Variants in IZUMO4 observed in about 807,000 individuals in gnomAD.
IZUMO4 encodes IZUMO family member 4, also known as izumo sperm-egg fusion protein 4.
IZUMO4 carries 51 observed loss-of-function variants against 37.1 expected under a neutral mutation model. That is an observed-to-expected ratio of 1.38 (90% confidence interval 1.10 to 1.74). The LOEUF is 1.74. IZUMO4 is among the 40% of genes most tolerant of loss of function. The pLI is 0.00. For synonymous variants in IZUMO4, 162 were observed against 121.4 expected (o/e 1.33, Z -2.20); for missense variants, 364 against 299.6 (o/e 1.21, Z -1.59).
chr19:2,097,031 TCTC>T lies in IZUMO4; in HGVS notation c.89_91del (p.Ser30del), dbSNP rs2017717274. On this transcript the variant is annotated inframe_deletion, in exon 1 of 10. Coordinates refer to ENST00000395301, the MANE Select transcript of IZUMO4 (RefSeq NM_001039846.2). ...TGCCACAGCAACTTCTCCAAGAAGT[TCTC>T]CTTCTACCGCCACCATGTGAACTTC... 5.6e-6 allele frequency: 9 copies of T among 1,612,454 alleles called. No individual in the cohort carries two copies. The highest frequency in any genetic ancestry group is 3.3e-5 in the South Asian group (3 of 91,086).
chr19:2,098,192 C>G, intron 5 of IZUMO4, 65 bp downstream of exon 5: 1 of 1,611,266 alleles, frequency 6.2e-7, no homozygotes, highest in South Asian at 1.1e-5. Context: ...CCAGGCTCTC[C>G]TTGGAGGGGG....
rs188368154 is a variant in IZUMO4 at position 2,099,156 on chromosome 19, G to C, written c.609-99G>C. 3 of 1,384,206 alleles carry C rather than the reference G, an allele frequency of 2.2e-6. No homozygotes were observed. In the African/African-American group the frequency reaches 4.3e-5, roughly 20 times the overall value. The allele number at this position is 1,384,206 out of a possible 1,614,324, so 85.7% of individuals were successfully genotyped here. A position where few individuals can be genotyped will look rare whatever the true frequency, so the allele number is the denominator to read the frequency against. On this transcript the variant is annotated intron_variant, in intron 9 of 9. Transcript: ENST00000395301. ...GTGTCGTGGATGTGGCCACACATAG[G>C]ACCACACGTCCCAGCTGGGAGGAGA...
In IZUMO4 at chr19:2,097,970, G is replaced by T. The variant is rs776207764; in HGVS notation, c.397+15G>T. ...GCACCGCTGTGGTAAGCAAGGCTCCGTCCAGGCTGAGGGGCGTGCCGGTGG... is the reference window on the plus strand; with the variant it reads ...GCACCGCTGTGGTAAGCAAGGCTCCTTCCAGGCTGAGGGGCGTGCCGGTGG... On this transcript the variant is annotated intron_variant, in intron 4 of 9. Transcript: ENST00000395301. 4 of 1,613,246 alleles carry T rather than the reference G, an allele frequency of 2.5e-6. No individual in the cohort carries two copies. The highest frequency in any genetic ancestry group is 1.1e-5 in the South Asian group (1 of 91,080).
chr19:2,097,377 C>T, intron 2 of IZUMO4, 45 bp downstream of exon 2: 4 of 1,597,964 alleles, frequency 2.5e-6, no homozygotes, highest in Non-Finnish European at 3.4e-6. Flanking sequence ...CCCCGGGACA[C>T]CCCGCCCACC....
intron 6 of IZUMO4, 40 bp from the exon 7 acceptor site, chr19:2,098,396 G>A (rs1212632412): frequency 1.2e-5 from 19 of 1,613,976 alleles, no homozygotes; most frequent in Non-Finnish European, 1.4e-5. Context: ...ACTGGCCACG[G>A]CCACTCGGCC....
Position 2,097,137 on chromosome 19 carries a change from G to A in IZUMO4, c.192G>A (p.Leu64=), listed in dbSNP as rs752287971. The change falls in exon 1 of 10, where the codon CTG becomes CTA. Residue 64 remains leucine, a synonymous_variant. Coordinates refer to ENST00000395301, the MANE Select transcript of IZUMO4 (RefSeq NM_001039846.2). ...GGAGCGACGACACGATGAAGGAGCT[G>A]CACCTGGCCATCCCCGCCAAGATCA... ...TDWSDDTMKE[L]HLAIPAKITR... 58 of 1,611,498 alleles carry A rather than the reference G, an allele frequency of 3.6e-5. No individual in the cohort carries two copies. In the South Asian group the frequency reaches 6.2e-4, roughly 17 times the overall value.
chr19:2,097,149 C>A lies in IZUMO4; in HGVS notation c.204C>A (p.Ile68=). 1 of 1,610,888 alleles carries A rather than the reference C, an allele frequency of 6.2e-7. No homozygotes were observed. Among genetic ancestry groups the A allele is most frequent in the Non-Finnish European group, 8.5e-7 (1 of 1,178,676 alleles). The change falls in exon 1 of 10, where the codon ATC becomes ATA. Residue 68 remains isoleucine, a synonymous_variant. Coordinates refer to ENST00000395301, the MANE Select transcript of IZUMO4 (RefSeq NM_001039846.2). ...CGATGAAGGAGCTGCACCTGGCCAT[C>A]CCCGCCAAGATCAGTGAGTGCCGGA... The part of the protein sequence containing the change: ...DDTMKELHLA[I]PAKITREKLD...
chr19:2,096,915 G>C lies in IZUMO4; in HGVS notation c.-31G>C, dbSNP rs766540229. On this transcript the variant is annotated 5_prime_UTR_variant, in exon 1 of 10. Transcript: ENST00000395301. ...TGAAGGGTGTGGCGCGAGCAGCGTCGTTGGTTGGCCGGCGGCGGGCCGGGA... is the reference window on the plus strand; with the variant it reads ...TGAAGGGTGTGGCGCGAGCAGCGTCCTTGGTTGGCCGGCGGCGGGCCGGGA... The C allele has an allele frequency of 2.1e-5, 34 of 1,596,540 alleles. No homozygotes were observed. In the Admixed American group the frequency reaches 5.5e-4, roughly 26 times the overall value.
chr19:2,099,112 T>A lies in IZUMO4; in HGVS notation c.608+83T>A, dbSNP rs12984606. ...GCGTGCCGCGGCCTGCACACCCTGCTGACATCCCAGGCACGAGGGTGTCGT... is the reference window on the plus strand; with the variant it reads ...GCGTGCCGCGGCCTGCACACCCTGCAGACATCCCAGGCACGAGGGTGTCGT... On this transcript the variant is annotated intron_variant, in intron 9 of 9. Transcript: ENST00000395301. 136 of 1,423,618 alleles carry A rather than the reference T, an allele frequency of 9.6e-5. 1 individual carries two copies. Among genetic ancestry groups the A allele is most frequent in the African/African-American group, 3.5e-4 (25 of 70,958 alleles). The allele number at this position is 1,423,618 out of a possible 1,614,324, so 88.2% of individuals were successfully genotyped here.
At chr19:2,098,183 C>G in intron 5 of IZUMO4, 56 bp downstream of exon 5, 1 of 1,611,324 alleles carries the variant, frequency 6.2e-7, no homozygotes, top group South Asian at 1.1e-5. Context: ...CCTGGGGTCC[C>G]AGGCTCTCCT....
At chr19:2,097,808 A>G (rs1568262474) in intron 3 of IZUMO4, 121 bp from the exon 4 acceptor site, 2 of 1,281,474 alleles carry the variant, frequency 1.6e-6, no homozygotes, top group East Asian at 2.3e-5. Flanking sequence ...ATACATGAAA[A>G]CCAGGTGAGC....
Position 2,099,251 on chromosome 19 carries a change from G to T in IZUMO4, c.609-4G>T. On this transcript the variant is annotated splice_polypyrimidine_tract_variant and splice_region_variant and intron_variant, in intron 9 of 9. Transcript: ENST00000395301. ...AGAGCTGAGGCAGCCTCGTCTCCCC[G>T]CAGCCTGGTATCGCCAGCCTTAAGG... 2 of 1,612,056 alleles carry T rather than the reference G, an allele frequency of 1.2e-6. No individual in the cohort carries two copies. The highest frequency in any genetic ancestry group is 1.7e-6 in the Non-Finnish European group (2 of 1,178,764).
intron 4 of IZUMO4, 35 bp from the exon 5 acceptor site, chr19:2,098,017 G>A (rs372327301): frequency 1.9e-6 from 3 of 1,613,052 alleles, no homozygotes; most frequent in Admixed American, 1.7e-5. Context: ...CCTGGAGGCT[G>A]AGGGGAGCCC....
In IZUMO4 at chr19:2,096,967, G is replaced by T. The variant is rs1328945111; in HGVS notation, c.22G>T (p.Val8Leu). ...GGGCATGGCCCTGCTGCTGTGCCTG[G>T]TGTGCCTGACGGCGGCGCTGGCCCA... is the stretch of plus-strand genomic sequence containing the variant. MALLLCL[V>L]CLTAALAHGC... Residue 8 changes from valine to leucine, a missense_variant, in exon 1 of 10, where the codon GTG (valine) becomes TTG (leucine). Transcript: ENST00000395301. The T allele has an allele frequency of 1.2e-6, 2 of 1,607,564 alleles. No individual in the cohort carries two copies. The highest frequency in any genetic ancestry group is 1.7e-6 in the Non-Finnish European group (2 of 1,179,678).
In IZUMO4 at chr19:2,098,289, C is replaced by T. The variant is rs773121682; in HGVS notation, c.476C>T (p.Ser159Phe). 4 of 1,613,872 alleles carry T rather than the reference C, an allele frequency of 2.5e-6. No individual in the cohort carries two copies. Among genetic ancestry groups the T allele is most frequent in the Admixed American group, 1.7e-5 (1 of 60,020 alleles). ...ACTTCCAAGCCTGTGTCCCACAGGT[C>T]CTCGGCGCAGTGGAAGTCAGCTGTC... ...HVACFGYNCE[S>F]SAQWKSAVQG... The change falls in exon 6 of 10, where the codon TCC becomes TTC. Residue 159 changes from serine to phenylalanine, a missense_variant and splice_region_variant. By Grantham distance (155) the Ser-to-Phe change is radical. Coordinates refer to ENST00000395301, the MANE Select transcript of IZUMO4 (RefSeq NM_001039846.2).
chr19:2,098,918 G>A (rs2017813785), intron 8 of IZUMO4, 58 bp from the exon 9 acceptor site: 8 of 1,597,736 alleles, frequency 5.0e-6, no homozygotes, highest in Non-Finnish European at 5.1e-6. Flanking sequence ...CCCTATACCT[G>A]GGACACCTGC....
At chr19:2,098,912 A>G (rs2144958088) in intron 8 of IZUMO4, 64 bp from the exon 9 acceptor site, 1 of 1,591,078 alleles carries the variant, frequency 6.3e-7, no homozygotes, top group Non-Finnish European at 8.6e-7. Context: ...GGCTCTCCCT[A>G]TACCTGGGAC....
intron 8 of IZUMO4, 86 bp downstream of exon 8, chr19:2,098,890 C>T (rs745412003): frequency 1.7e-4 from 273 of 1,569,882 alleles, no homozygotes; most frequent in Non-Finnish European, 2.3e-4. Flanking sequence ...TCAGTGGGGG[C>T]ACTGCAGGTG....
intron 7 of IZUMO4, 146 bp from the exon 8 acceptor site, chr19:2,098,641 C>A: frequency 6.4e-7 from 1 of 1,555,370 alleles, no homozygotes; most frequent in Admixed American, 2.0e-5. Context: ...CTCCGACCCT[C>A]AGCTGGAGGC....
Sources: allele counts gnomAD v4.1 joint callset, GRCh38; gene constraint gnomAD v4.1.1; transcripts MANE v1.5; gene names NCBI Gene and HGNC (gene_info 2026-07-23, HGNC 2026-07-21).